Variants in HIP1 observed in about 807,000 individuals in gnomAD.
HIP1 encodes the protein huntingtin interacting protein 1, also known as huntingtin-interacting protein 1.
Under a neutral mutation model 147.6 loss-of-function variants are expected in HIP1, and 65 were observed. That is an observed-to-expected ratio of 0.44 (90% CI 0.36 to 0.54). HIP1 has a LOEUF of 0.54. HIP1 is among the 20% of genes least tolerant of loss of function. HIP1 has a pLI of 0.00. For missense variants in HIP1, 1,061 were observed against 1,299.6 expected, an observed-to-expected ratio of 0.82 and a Z score of 2.82; for synonymous variants, 479 against 504.0, an observed-to-expected ratio of 0.95 and a Z score of 0.67.
intron 1 of HIP1, among the ~76,000 whole-genome samples, chr7:75,718,712 C>T (rs1801396730): frequency 6.6e-6 from 1 of 152,092 alleles, no homozygotes; most frequent in Non-Finnish European, 1.5e-5. Flanking sequence ...TGGCTTTGTG[C>T]CATAATGTCT....
chr7:75,722,583 T>C (rs186259590), intron 1 of HIP1, among the ~76,000 whole-genome samples: 175 of 152,190 alleles, frequency 1.1e-3, no homozygotes, highest in African/African-American at 4.1e-3. Context: ...TGAGCCTGAG[T>C]AAGTATCCGG....
At chr7:75,691,082 T>C (rs1349468654) in intron 1 of HIP1, among the ~76,000 whole-genome samples, 3 of 152,146 alleles carry the variant, frequency 2.0e-5, no homozygotes, top group African/African-American at 7.2e-5. Flanking sequence ...TGTGCAGCCA[T>C]TACGGGAATG....
rs1794869850 is a variant in HIP1, at chr7:75,553,508, T to C, written c.2240A>G (p.Asn747Ser). 6.2e-7 allele frequency: 1 copy of C among 1,614,078 alleles called. No homozygotes were observed. The highest frequency in any genetic ancestry group is 1.3e-5 in the African/African-American group (1 of 74,952). ...ASLEEEGSLE[N>S]ADSTAMRNCL... ...GTTCCTCATGGCTGTGCTGTCGGCA[T>C]TCTCAAGGCTTCCCTCTTCCTCCAG... The change falls in exon 22 of 31, where the codon AAT (asparagine) becomes AGT (serine). Residue 747 changes from asparagine (N) to serine (S), a missense_variant. Transcript: ENST00000336926.
rs144443580 is a variant in HIP1 at position 75,585,570 on chromosome 7, C to T, written c.465+1183G>A. On this transcript the variant is annotated intron_variant, in intron 5 of 30. Transcript: ENST00000336926. ...TCCCTCCAATCACACGCTACAAGCC[C>T]CCTCCCCTCCACACTCTCAGCCTCT... Among the ~76,000 whole-genome samples, 370 of 151,952 alleles carry T rather than the reference C, an allele frequency of 2.4e-3. 2 individuals carry two copies. Among genetic ancestry groups the T allele is most frequent in the Non-Finnish European group, 3.6e-3 (246 of 67,982 alleles).
intron 1 of HIP1, among the ~76,000 whole-genome samples, chr7:75,706,473 CTTT>C (rs139655610): frequency 7.2e-6 from 1 of 138,100 alleles, no homozygotes; most frequent in Non-Finnish European, 1.5e-5. Flanking sequence ...TATATATCTT[CTTT>C]TTTTTTATTT....
At chr7:75,683,048 T>C (rs1041511046) in intron 1 of HIP1, among the ~76,000 whole-genome samples, 2 of 152,034 alleles carry the variant, frequency 1.3e-5, no homozygotes, top group South Asian at 2.1e-4. Context: ...AGTGGTGCGA[T>C]CTCGGCTCAC....
At chr7:75,657,975 G>A (rs782638228) in intron 1 of HIP1, among the ~76,000 whole-genome samples, 10 of 152,074 alleles carry the variant, frequency 6.6e-5, no homozygotes, top group Non-Finnish European at 1.3e-4. Flanking sequence ...ATACTATGCA[G>A]TAGTTAAAAA....
At chr7:75,556,676 A>G (rs1563200381) in intron 17 of HIP1, 34 bp downstream of exon 17, 2 of 1,305,178 alleles carry the variant, frequency 1.5e-6, no homozygotes, top group Admixed American at 1.7e-5. Flanking sequence ...ACAGAAGAAG[A>G]CTCTATCTCC....
chr7:75,697,077 G>A (rs1800664766), intron 1 of HIP1, among the ~76,000 whole-genome samples: 1 of 151,924 alleles, frequency 6.6e-6, no homozygotes, highest in East Asian at 1.9e-4. Flanking sequence ...TGCAGCCTAA[G>A]GTGAGAATCT....
chr7:75,712,721 C>T (rs1201097566), intron 1 of HIP1, among the ~76,000 whole-genome samples: 1 of 152,212 alleles, frequency 6.6e-6, no homozygotes, highest in African/African-American at 2.4e-5. Flanking sequence ...CTGTCAATCT[C>T]TGATTTACTC....
chr7:75,657,581 T>C (rs1458516141), intron 1 of HIP1, among the ~76,000 whole-genome samples: 1 of 151,628 alleles, frequency 6.6e-6, no homozygotes, highest in Non-Finnish European at 1.5e-5. Context: ...ATCATGTCCT[T>C]TGCAGCCACA....
intron 1 of HIP1, among the ~76,000 whole-genome samples, chr7:75,728,599 A>G (rs1554522611): frequency 6.6e-6 from 1 of 152,188 alleles, no homozygotes; most frequent in Non-Finnish European, 1.5e-5. Flanking sequence ...AGTGCCTTGC[A>G]GAAGTGCCAG....
At chr7:75,677,317 G>A (rs1415051070) in intron 1 of HIP1, among the ~76,000 whole-genome samples, 1 of 151,216 alleles carries the variant, frequency 6.6e-6, no homozygotes, top group African/African-American at 2.4e-5. Flanking sequence ...AAAAAGACAA[G>A]CCTTTCAGCC....
intron 1 of HIP1, among the ~76,000 whole-genome samples, chr7:75,608,245 C>T (rs1554504218): frequency 1.3e-5 from 2 of 151,534 alleles, no homozygotes; most frequent in South Asian, 2.1e-4. Flanking sequence ...AGGCGGAGAA[C>T]GCTGTGAGCC....
rs145351179 is a variant in HIP1, at chr7:75,664,596, G to GGA, written c.121-65351_121-65350dup. On this transcript the variant is annotated intron_variant, in intron 1 of 30. Transcript: ENST00000336926. ...TATACATACATATATATATGTATAG[G>GGA]GAGAGAGAGAGAGAGAGAGAGACAG... 7.1e-4 allele frequency among the ~76,000 whole-genome samples: 82 copies of GGA among 115,194 alleles called. 1 individual carries two copies. The highest frequency in any genetic ancestry group is 3.8e-3 in the East Asian group (13 of 3,464). The allele number at this position is 115,194 out of a possible 152,430, so 75.6% of individuals were successfully genotyped here. A position where few individuals can be genotyped will look rare whatever the true frequency, so the allele number is the denominator to read the frequency against.
intron 1 of HIP1, among the ~76,000 whole-genome samples, chr7:75,691,893 G>A (rs1372852894): frequency 6.6e-6 from 1 of 152,142 alleles, no homozygotes; most frequent in Non-Finnish European, 1.5e-5. Context: ...AGAGGAATAG[G>A]GAGTGACTGT....
chr7:75,545,067 T>C (rs1794498418), intron 26 of HIP1, 21 bp downstream of exon 26: 1 of 1,450,386 alleles, frequency 6.9e-7, no homozygotes, highest in Non-Finnish European at 9.6e-7. Context: ...GGGAGGACCC[T>C]TGGTACCAAT....
At chr7:75,704,974 A>C (rs782028951) in intron 1 of HIP1, among the ~76,000 whole-genome samples, 20 of 152,230 alleles carry the variant, frequency 1.3e-4, no homozygotes, top group Non-Finnish European at 2.1e-4. Flanking sequence ...AAATAAGTAC[A>C]AATGCGTTTT....
At chr7:75,562,224 G>T (rs1409506185) in intron 11 of HIP1, 54 bp from the exon 12 acceptor site, 142 of 1,159,866 alleles carry the variant, frequency 1.2e-4, no homozygotes, top group Non-Finnish European at 1.8e-4. Flanking sequence ...AGAATTCTGT[G>T]TGTGGGTCAG....
Sources: allele counts gnomAD v4.1 joint callset (sites outside exome capture counted in the v4.1 genomes callset), GRCh38; gene constraint gnomAD v4.1.1; transcripts MANE v1.5; gene names NCBI Gene and HGNC (gene_info 2026-07-23, HGNC 2026-07-21).